Variants in HPSE2 observed in about 807,000 individuals in gnomAD.
HPSE2 encodes the protein heparanase 2 (inactive), also known as inactive heparanase-2.
In HPSE2, 38 loss-of-function variants were observed where a neutral mutation model predicts 60.5. The observed-to-expected ratio is 0.63, with a 90% CI of 0.48 to 0.82. The LOEUF (loss-of-function observed/expected upper bound fraction) is 0.82, where lower values mean the gene tolerates loss of function less well. Among genes scored for constraint, HPSE2 ranks in the 40% least tolerant of loss-of-function variants. HPSE2 has a pLI of 0.00. For synonymous variants in HPSE2, 295 were observed against 293.2 expected (o/e 1.01, Z -0.06); for missense variants, 713 against 740.4 (o/e 0.96, Z 0.43).
chr10:99,057,273 T>C lies in HPSE2; in HGVS notation c.610+86965A>G, dbSNP rs138644294. On this transcript the variant is annotated intron_variant, in intron 3 of 11. Transcript: ENST00000370552. ...CTACCAATTTATGTAATTTTGTATCTAGATTTCAGTAAGTACCAAGCACTA... is the reference window on the plus strand; with the variant it reads ...CTACCAATTTATGTAATTTTGTATCCAGATTTCAGTAAGTACCAAGCACTA... Among the ~76,000 whole-genome samples the C allele has an allele frequency of 7.5e-4, 114 of 152,306 alleles. 1 individual carries two copies. In the East Asian group the frequency reaches 0.021, roughly 28 times the overall value.
rs538145542 is a variant in HPSE2 at position 98,620,853 on chromosome 10, C to A, written c.1099-145G>T. ...TTTGTGCTTTCTTATGATGATGCAC[C>A]CAGTTCAGTGAGTTGGCATTCACAA... On this transcript the variant is annotated intron_variant, in intron 7 of 11. Transcript: ENST00000370552. The A allele has an allele frequency of 4.4e-5, 31 of 704,146 alleles. No homozygotes were observed. In the East Asian group the frequency reaches 8.1e-4, roughly 18 times the overall value. 43.6% of individuals were successfully genotyped at this position (704,146 alleles called of 1,614,324 possible).
intron 9 of HPSE2, among the ~76,000 whole-genome samples, chr10:98,517,404 G>A (rs1942638178): frequency 6.6e-6 from 1 of 152,130 alleles, no homozygotes; most frequent in Non-Finnish European, 1.5e-5. Context: ...CTGATCTAGA[G>A]TGTGGCAAAT....
the HPSE2 span, among the ~76,000 whole-genome samples, chr10:99,244,768 G>A: frequency 2.6e-5 from 4 of 151,722 alleles, no homozygotes; most frequent in African/African-American, 9.7e-5. Flanking sequence ...TATAACAGAA[G>A]GCTTACCACT....
intron 6 of HPSE2, among the ~76,000 whole-genome samples, chr10:98,692,544 G>A (rs952001410): frequency 2.0e-5 from 3 of 152,124 alleles, no homozygotes; most frequent in Admixed American, 1.3e-4. Flanking sequence ...CGAGGTGGGT[G>A]GATCACGAGG....
At chr10:98,876,243 T>C (rs1215212979) in intron 3 of HPSE2, among the ~76,000 whole-genome samples, 1 of 151,694 alleles carries the variant, frequency 6.6e-6, no homozygotes, top group South Asian at 2.1e-4. Context: ...AAAAAAGTGG[T>C]CAATGTGGAG....
chr10:98,470,313 C>T (rs1469822614), intron 11 of HPSE2, among the ~76,000 whole-genome samples: 1 of 152,200 alleles, frequency 6.6e-6, no homozygotes, highest in Admixed American at 6.5e-5. Context: ...CCAGATCCCA[C>T]AGATATCCAA....
intron 3 of HPSE2, among the ~76,000 whole-genome samples, chr10:98,890,938 T>A (rs1172791180): frequency 1.3e-5 from 2 of 152,220 alleles, no homozygotes; most frequent in Non-Finnish European, 2.9e-5. Flanking sequence ...GTAACTTTCT[T>A]ATTGCAATTT....
chr10:98,900,167 AG>A (rs1379063389), intron 3 of HPSE2, among the ~76,000 whole-genome samples: 1 of 152,222 alleles, frequency 6.6e-6, no homozygotes, highest in East Asian at 1.9e-4. Context: ...AACAATCAAA[AG>A]CTAGAAACAA....
intron 2 of HPSE2, among the ~76,000 whole-genome samples, chr10:99,179,349 A>T (rs977789585): frequency 5.9e-5 from 9 of 152,250 alleles, no homozygotes; most frequent in African/African-American, 2.2e-4. Flanking sequence ...TGCAGATGAC[A>T]TGATTGTATA....
intron 9 of HPSE2, among the ~76,000 whole-genome samples, chr10:98,612,244 C>T (rs1945782319): frequency 6.6e-6 from 1 of 152,128 alleles, no homozygotes; most frequent in Non-Finnish European, 1.5e-5. Flanking sequence ...ATCAAAGAGG[C>T]TACCATAAGA....
chr10:99,091,538 T>C (rs768435766), intron 3 of HPSE2, among the ~76,000 whole-genome samples: 55 of 152,252 alleles, frequency 3.6e-4, no homozygotes, highest in Non-Finnish European at 3.4e-4. Flanking sequence ...CCATTCTCTG[T>C]TTTCTTAAAA....
chr10:98,868,545 C>G (rs4919259), intron 3 of HPSE2, among the ~76,000 whole-genome samples: 126,552 of 152,068 alleles, frequency 0.83, 52,860 homozygotes, highest in African/African-American at 0.87. Context: ...TTGAGGGGAT[C>G]GATACCCAAT....
At position 98,600,911 on chromosome 10, in the gene HPSE2, G is replaced by GTGTA. The variant is rs1554950517; in HGVS notation, c.1320+13992_1320+13993insTACA. 8.5e-4 allele frequency among the ~76,000 whole-genome samples: 63 copies of GTGTA among 73,718 alleles called. 1 individual carries two copies. The highest frequency in any genetic ancestry group is 1.6e-3 in the Admixed American group (10 of 6,198). 48.4% of individuals were successfully genotyped at this position (73,718 alleles called of 152,430 possible). On this transcript the variant is annotated intron_variant, in intron 9 of 11. Coordinates refer to ENST00000370552, the MANE Select transcript of HPSE2 (RefSeq NM_021828.5). Reference sequence around the variant, plus strand: ...TATATACGTATATATATGTGTGTGTGTATATATATATATATATATATATAT... The same window carrying GTGTA: ...TATATACGTATATATATGTGTGTGTGTGTATATATATATATATATATATATATAT...
the HPSE2 span, among the ~76,000 whole-genome samples, chr10:99,298,691 T>C: frequency 7.2e-5 from 11 of 151,930 alleles, no homozygotes; most frequent in African/African-American, 2.7e-4. Flanking sequence ...CTTTTTTTTT[T>C]TTGAGACGGA....
upstream of HPSE2, chr10:99,235,897 CT>C (rs371809070): frequency 7.6e-4 from 777 of 1,027,876 alleles, 6 homozygotes; most frequent in African/African-American, 0.011. Context: ...TTTTTCCCCC[CT>C]TTTTTTCCCT....
intron 11 of HPSE2, among the ~76,000 whole-genome samples, chr10:98,462,753 C>T (rs1015919370): frequency 2.0e-5 from 3 of 152,134 alleles, no homozygotes; most frequent in Non-Finnish European, 4.4e-5. Context: ...CTTCTGTCCC[C>T]ACACTCTGCA....
At chr10:98,474,740 A>T (rs1305047959) in intron 11 of HPSE2, among the ~76,000 whole-genome samples, 5 of 152,210 alleles carry the variant, frequency 3.3e-5, no homozygotes. Context: ...GGAGAGGCTC[A>T]TGCAGATCTG....
chr10:98,829,298 G>C (rs539945946), intron 3 of HPSE2, among the ~76,000 whole-genome samples: 2 of 152,250 alleles, frequency 1.3e-5, no homozygotes, highest in African/African-American at 4.8e-5. Context: ...GGGAGGCCGA[G>C]GCAGGTGGAT....
intron 3 of HPSE2, among the ~76,000 whole-genome samples, chr10:98,791,155 A>G (rs531168314): frequency 1.3e-5 from 2 of 152,240 alleles, no homozygotes; most frequent in Admixed American, 1.3e-4. Context: ...ATGTTATATC[A>G]TTTTCCCACA....
Sources: allele counts gnomAD v4.1 joint callset (sites outside exome capture counted in the v4.1 genomes callset), GRCh38; gene constraint gnomAD v4.1.1; transcripts MANE v1.5; gene names NCBI Gene and HGNC (gene_info 2026-07-23, HGNC 2026-07-21).